LAMC1: variants seen among roughly 807,000 people sequenced by gnomAD.
The protein encoded by LAMC1 is laminin subunit gamma 1.
A neutral mutation model predicts 173.6 loss-of-function variants in LAMC1; 38 were observed. That is an observed-to-expected ratio of 0.22 (90% CI 0.17 to 0.29). LAMC1 has a LOEUF of 0.29. Among genes scored for constraint, LAMC1 ranks in the 10% least tolerant of loss-of-function variants. The pLI is 1.00. For synonymous variants in LAMC1, 746 were observed against 749.1 expected (o/e 1.00, Z 0.07); for missense variants, 1,824 against 2,051.8 (o/e 0.89, Z 2.14).
intron 1 of LAMC1, among the ~76,000 whole-genome samples, chr1:183,084,778 A>G (rs1017761652): frequency 1.3e-5 from 2 of 152,238 alleles, no homozygotes; most frequent in African/African-American, 2.4e-5. Flanking sequence ...TGTGTCATTA[A>G]GAGAGACAAT....
At chr1:183,084,379 C>A (rs1655371135) in intron 1 of LAMC1, among the ~76,000 whole-genome samples, 1 of 151,606 alleles carries the variant, frequency 6.6e-6, no homozygotes, top group Admixed American at 6.6e-5. Context: ...TTTACAACAT[C>A]AGCACTTTTA....
intron 1 of LAMC1, among the ~76,000 whole-genome samples, chr1:183,047,237 T>G (rs1200195339): frequency 6.6e-6 from 1 of 152,168 alleles, no homozygotes; most frequent in Non-Finnish European, 1.5e-5. Context: ...CACTGGAGAT[T>G]TGATTAATAC....
At chr1:183,041,983 A>G (rs1432174735) in intron 1 of LAMC1, among the ~76,000 whole-genome samples, 1 of 152,224 alleles carries the variant, frequency 6.6e-6, no homozygotes, top group African/African-American at 2.4e-5. Flanking sequence ...TTGATCAGGC[A>G]GAATAGGATG....
chr1:183,067,039 T>C (rs926148240), intron 1 of LAMC1, among the ~76,000 whole-genome samples: 1 of 152,228 alleles, frequency 6.6e-6, no homozygotes, highest in African/African-American at 2.4e-5. Context: ...GTTTTAGTCA[T>C]TGGTATATAG....
rs181574754 is a variant in LAMC1 at position 183,027,427 on chromosome 1, A to G, written c.418+3293A>G. Among the ~76,000 whole-genome samples, 51 of 152,312 alleles carry G rather than the reference A, an allele frequency of 3.3e-4. 1 individual carries two copies. Among genetic ancestry groups the G allele is most frequent in the African/African-American group, 1.2e-3 (51 of 41,572 alleles). ...ACCAGTGGGGTAGTAGTTGATACTA[A>G]GATTGTAGCTAAGGATTTGCCTTTT... is the stretch of plus-strand genomic sequence containing the variant. On this transcript the variant is annotated intron_variant, in intron 1 of 27. Transcript: ENST00000258341.
At chr1:183,030,346 G>A (rs1324766632) in intron 1 of LAMC1, among the ~76,000 whole-genome samples, 1 of 152,194 alleles carries the variant, frequency 6.6e-6, no homozygotes, top group Non-Finnish European at 1.5e-5. Context: ...AGAGATGCAA[G>A]CACAGAGAGG....
intron 1 of LAMC1, among the ~76,000 whole-genome samples, chr1:183,069,083 G>A (rs1039681514): frequency 6.6e-6 from 1 of 152,170 alleles, no homozygotes; most frequent in African/African-American, 2.4e-5. Context: ...AATTCAATAT[G>A]TAACTTCATA....
rs368501531 is a variant in LAMC1, at chr1:183,023,871, C to T, written c.155C>T (p.Pro52Leu). 1.2e-6 allele frequency: 2 copies of T among 1,611,880 alleles called. No homozygotes were observed. Among genetic ancestry groups the T allele is most frequent in the African/African-American group, 2.7e-5 (2 of 74,900 alleles). Residue 52 changes from proline to leucine, a missense_variant, in exon 1 of 28, where the codon CCC becomes CTC. Physicochemically the swap from Pro to Leu is moderately conservative, Grantham distance 98. Coordinates refer to ENST00000258341, the MANE Select transcript of LAMC1 (RefSeq NM_002293.4). The stretch of plus-strand genomic sequence containing the variant: ...GGCGGGCGGCCGCAGCGCTGCATGC[C>T]CGAGTTCGTCAACGCCGCCTTCAAC... ...DEGGRPQRCM[P>L]EFVNAAFNVT...
intron 15 of LAMC1, among the ~76,000 whole-genome samples, 167 bp from the exon 16 acceptor site, chr1:183,125,953 T>G (rs1656606444): frequency 6.6e-6 from 1 of 152,188 alleles, no homozygotes; most frequent in Admixed American, 6.5e-5. Flanking sequence ...TGAAAATTAC[T>G]TGAACCTTAG....
At chr1:183,029,779 G>C (rs935310537) in intron 1 of LAMC1, among the ~76,000 whole-genome samples, 1 of 152,170 alleles carries the variant, frequency 6.6e-6, no homozygotes, top group African/African-American at 2.4e-5. Context: ...GTTTTTGAAG[G>C]ACGAGTCAGG....
chr1:183,088,056 G>A (rs573584978), intron 1 of LAMC1, among the ~76,000 whole-genome samples: 147 of 152,056 alleles, frequency 9.7e-4, no homozygotes, highest in South Asian at 1.7e-3. Context: ...CAGGTGATCC[G>A]CCTCCCAAAG....
Position 183,125,518 on chromosome 1 carries a change from C to G in LAMC1, c.2769C>G (p.Phe923Leu). 1 of 1,611,364 alleles carries G rather than the reference C, an allele frequency of 6.2e-7. No homozygotes were observed. Among genetic ancestry groups the G allele is most frequent in the Non-Finnish European group, 8.5e-7 (1 of 1,178,552 alleles). ...GQDCGACDPG[F>L]YNLQSGQGCE... ...ACTGTGGTGCTTGTGACCCTGGATT[C>G]TACAATCTGCAGAGTGGGCAAGGCT... Residue 923 changes from phenylalanine (F) to leucine (L), a missense_variant, in exon 15 of 28, where the codon TTC (phenylalanine) becomes TTG (leucine). Physicochemically the swap from Phe to Leu is conservative, Grantham distance 22. Coordinates refer to ENST00000258341, the MANE Select transcript of LAMC1 (RefSeq NM_002293.4).
chr1:183,079,253 T>G (rs1655202675), intron 1 of LAMC1, among the ~76,000 whole-genome samples: 1 of 107,990 alleles, frequency 9.3e-6, no homozygotes, highest in Non-Finnish European at 1.9e-5. Flanking sequence ...TTTTTTTTTT[T>G]TTTTTTTTTT....
intron 1 of LAMC1, among the ~76,000 whole-genome samples, chr1:183,077,200 T>G (rs1655138057): frequency 6.6e-6 from 1 of 152,160 alleles, no homozygotes. Flanking sequence ...GGATGCTTGG[T>G]GAAAGTCTTA....
chr1:183,107,682 T>C (rs559282870), intron 2 of LAMC1, among the ~76,000 whole-genome samples: 1 of 151,952 alleles, frequency 6.6e-6, no homozygotes, highest in Non-Finnish European at 1.5e-5. Context: ...TACAAAAAAT[T>C]AGCTGGGCGT....
At chr1:183,084,622 T>A (rs370030591) in intron 1 of LAMC1, among the ~76,000 whole-genome samples, 2 of 152,168 alleles carry the variant, frequency 1.3e-5, no homozygotes, top group African/African-American at 4.8e-5. Context: ...ATAAGACAGT[T>A]CTCCCTTTTC....
intron 26 of LAMC1, among the ~76,000 whole-genome samples, chr1:183,139,474 A>G (rs1419963184): frequency 6.6e-6 from 1 of 152,146 alleles, no homozygotes; most frequent in Non-Finnish European, 1.5e-5. Flanking sequence ...CTCCTTTTAC[A>G]CTCGCAGACA....
chr1:183,116,568 A>G lies in LAMC1; in HGVS notation c.1329-9A>G, dbSNP rs1558053182. On this transcript the variant is annotated splice_polypyrimidine_tract_variant and intron_variant, in intron 6 of 27. Transcript: ENST00000258341. ...TCTCTGATTGTTTTATCCATTTTTC[A>G]TTGAATAGGCCATGCTCTTGTGATC... is the stretch of plus-strand genomic sequence containing the variant. 3.8e-6 allele frequency: 6 copies of G among 1,562,436 alleles called. No homozygotes were observed. The highest frequency in any genetic ancestry group is 2.2e-5 in the East Asian group (1 of 44,636).
At chr1:183,107,975 C>T (rs1051818420) in intron 2 of LAMC1, among the ~76,000 whole-genome samples, 3 of 152,084 alleles carry the variant, frequency 2.0e-5, no homozygotes, top group Admixed American at 6.6e-5. Flanking sequence ...GTATCGAGTC[C>T]CTAATTTATG....
Sources: allele counts gnomAD v4.1 joint callset (sites outside exome capture counted in the v4.1 genomes callset), GRCh38; gene constraint gnomAD v4.1.1; transcripts MANE v1.5; gene names NCBI Gene and HGNC (gene_info 2026-07-23, HGNC 2026-07-21).